The following LRRTM4 variants were observed in gnomAD, a reference collection of about 807,000 sequenced individuals.
LRRTM4 encodes the protein leucine-rich repeat transmembrane neuronal protein 4.
A neutral mutation model predicts 47.6 loss-of-function variants in LRRTM4; 25 were observed. The observed-to-expected ratio is 0.53, with a 90% CI of 0.38 to 0.73. LRRTM4 has a LOEUF of 0.73. Among genes scored for constraint, LRRTM4 ranks in the 30% least tolerant of loss-of-function variants. The probability of loss-of-function intolerance (pLI) is 0.00; values close to 1 mark genes in which losing one functional copy is unlikely to be tolerated. For synonymous variants in LRRTM4, 311 were observed against 269.5 expected (o/e 1.15, Z -1.51); for missense variants, 638 against 713.4 (o/e 0.89, Z 1.20).
chr2:77,136,553 C>T (rs936363755), intron 3 of LRRTM4, among the ~76,000 whole-genome samples: 1 of 152,166 alleles, frequency 6.6e-6, no homozygotes, highest in South Asian at 2.1e-4. Flanking sequence ...GCTGAAAATT[C>T]TAAAAATCAG....
intron 3 of LRRTM4, among the ~76,000 whole-genome samples, chr2:76,919,053 G>C (rs367711359): frequency 6.6e-6 from 1 of 152,130 alleles, no homozygotes; most frequent in African/African-American, 2.4e-5. Flanking sequence ...CCAGATTCTA[G>C]GTAATCTTTC....
chr2:77,282,236 G>A (rs1181644525), intron 3 of LRRTM4, among the ~76,000 whole-genome samples: 1 of 151,678 alleles, frequency 6.6e-6, no homozygotes. Flanking sequence ...TTAGCTCTCA[G>A]CTTCAATTTT....
At chr2:76,864,090 G>C (rs549226100) in intron 3 of LRRTM4, among the ~76,000 whole-genome samples, 52 of 152,162 alleles carry the variant, frequency 3.4e-4, no homozygotes, top group Middle Eastern at 6.8e-3. Context: ...AAGAAACTAG[G>C]GATATTTGCT....
intron 3 of LRRTM4, among the ~76,000 whole-genome samples, chr2:77,300,314 C>G (rs959176358): frequency 3.3e-5 from 5 of 152,100 alleles, no homozygotes; most frequent in Admixed American, 1.3e-4. Context: ...TTGTACTAAT[C>G]TTTAATGCTA....
At chr2:77,388,460 A>T (rs1033676993) in intron 3 of LRRTM4, among the ~76,000 whole-genome samples, 29 of 152,080 alleles carry the variant, frequency 1.9e-4, no homozygotes, top group African/African-American at 6.5e-4. Context: ...ACTTTCATTC[A>T]TTGTCTCTTT....
chr2:77,370,058 G>T (rs973137372), intron 3 of LRRTM4, among the ~76,000 whole-genome samples: 1 of 151,678 alleles, frequency 6.6e-6, no homozygotes, highest in Non-Finnish European at 1.5e-5. Flanking sequence ...ATTAATGTAG[G>T]CCAGTGTGCA....
chr2:77,279,016 C>G (rs916714561), intron 3 of LRRTM4, among the ~76,000 whole-genome samples: 1 of 151,906 alleles, frequency 6.6e-6, no homozygotes, highest in Non-Finnish European at 1.5e-5. Flanking sequence ...ATGATGCATG[C>G]CTTTGGAGAT....
intron 3 of LRRTM4, among the ~76,000 whole-genome samples, chr2:77,393,317 G>T (rs1470841002): frequency 6.6e-6 from 1 of 152,032 alleles, no homozygotes; most frequent in South Asian, 2.1e-4. Flanking sequence ...CTAGAGAGTA[G>T]AAAAGACAAT....
At chr2:76,800,922 T>C (rs972305127) in intron 3 of LRRTM4, among the ~76,000 whole-genome samples, 1 of 151,368 alleles carries the variant, frequency 6.6e-6, no homozygotes. Context: ...ATGCTCATCA[T>C]CACTGGCCAT....
At chr2:76,933,240 C>T (rs1428146919) in intron 3 of LRRTM4, among the ~76,000 whole-genome samples, 2 of 151,976 alleles carry the variant, frequency 1.3e-5, no homozygotes, top group African/African-American at 4.8e-5. Flanking sequence ...TGTTTCTAAA[C>T]AATCAATAAA....
At chr2:77,292,347 G>T (rs879290407) in intron 3 of LRRTM4, among the ~76,000 whole-genome samples, 1 of 151,372 alleles carries the variant, frequency 6.6e-6, no homozygotes, top group East Asian at 1.9e-4. Context: ...CCATTACTGG[G>T]TATATACCCA....
At chr2:77,218,841 A>C (rs1376347600) in intron 3 of LRRTM4, among the ~76,000 whole-genome samples, 1 of 152,190 alleles carries the variant, frequency 6.6e-6, no homozygotes, top group African/African-American at 2.4e-5. Context: ...CCAGACCCAG[A>C]CTGAGCATTG....
intron 3 of LRRTM4, among the ~76,000 whole-genome samples, chr2:77,276,282 A>G (rs1170563390): frequency 6.6e-6 from 1 of 150,956 alleles, no homozygotes; most frequent in Non-Finnish European, 1.5e-5. Context: ...GTAAAAACAT[A>G]CGCTATTTTT....
Position 77,150,288 on chromosome 2 carries a change from A to G in LRRTM4, c.1551+368030T>C, listed in dbSNP as rs137876310. Among the ~76,000 whole-genome samples the G allele has an allele frequency of 7.0e-3, 1,069 of 152,306 alleles. 19 individuals are homozygous for G. Among genetic ancestry groups the G allele is most frequent in the African/African-American group, 0.024 (1,004 of 41,578 alleles). On this transcript the variant is annotated intron_variant, in intron 3 of 3. Transcript: ENST00000409884. ...TCTTAAAATAGAATACAAAAATGCC[A>G]GGCTACAATGTCACCAAGAAAATTC...
intron 3 of LRRTM4, among the ~76,000 whole-genome samples, chr2:76,795,960 A>G (rs562769887): frequency 4.0e-5 from 6 of 150,346 alleles, no homozygotes; most frequent in Non-Finnish European, 7.4e-5. Flanking sequence ...GGGTGCGCGC[A>G]CCATGTGCGA....
intron 3 of LRRTM4, among the ~76,000 whole-genome samples, chr2:76,832,807 T>C (rs1393763044): frequency 6.6e-6 from 1 of 152,062 alleles, no homozygotes; most frequent in Non-Finnish European, 1.5e-5. Context: ...ATATGAATGA[T>C]GACAGCTAGA....
chr2:76,904,124 G>C (rs979449353), intron 3 of LRRTM4, among the ~76,000 whole-genome samples: 3 of 152,202 alleles, frequency 2.0e-5, no homozygotes, highest in Non-Finnish European at 4.4e-5. Context: ...TTACTTCTCA[G>C]GGTTCATGAA....
intron 3 of LRRTM4, among the ~76,000 whole-genome samples, chr2:77,035,547 CTT>C (rs1678808394): frequency 6.6e-6 from 1 of 151,720 alleles, no homozygotes; most frequent in African/African-American, 2.4e-5. Flanking sequence ...TAGTGTTTTG[CTT>C]TTCTTTTAAC....
At chr2:76,793,834 G>T (rs888389572) in intron 3 of LRRTM4, among the ~76,000 whole-genome samples, 2 of 152,112 alleles carry the variant, frequency 1.3e-5, no homozygotes, top group African/African-American at 2.4e-5. Context: ...ACAAACACCT[G>T]TGTTGCTGTA....
Sources: allele counts gnomAD v4.1 joint callset (sites outside exome capture counted in the v4.1 genomes callset), GRCh38; gene constraint gnomAD v4.1.1; transcripts MANE v1.5; gene names NCBI Gene and HGNC (gene_info 2026-07-23, HGNC 2026-07-21).